CLYBL: variants seen among roughly 807,000 people sequenced by gnomAD.
CLYBL encodes the protein citramalyl-CoA lyase.
A neutral mutation model predicts 38.9 loss-of-function variants in CLYBL; 31 were observed. That is an observed-to-expected ratio of 0.80 (90% CI 0.60 to 1.08). CLYBL has a LOEUF of 1.08. Among genes scored for constraint, CLYBL ranks in the 50% least tolerant of loss-of-function variants. The pLI is 0.00. For synonymous variants in CLYBL, 171 were observed against 158.6 expected (o/e 1.08, Z -0.59); for missense variants, 434 against 411.6 (o/e 1.05, Z -0.47).
intron 2 of CLYBL, among the ~76,000 whole-genome samples, chr13:99,855,892 G>T (rs1171052610): frequency 6.6e-6 from 1 of 152,122 alleles, no homozygotes; most frequent in African/African-American, 2.4e-5. Flanking sequence ...TATGTAAATT[G>T]TAACAAGCAA....
At chr13:99,724,535 GAA>G (rs200553773) in intron 1 of CLYBL, among the ~76,000 whole-genome samples, 6 of 140,148 alleles carry the variant, frequency 4.3e-5, no homozygotes, top group Admixed American at 1.4e-4. Flanking sequence ...TGGAGAAGAT[GAA>G]AAAAAAAAAA....
chr13:99,834,966 A>G (rs2050901344), intron 2 of CLYBL, among the ~76,000 whole-genome samples: 1 of 152,152 alleles, frequency 6.6e-6, no homozygotes, highest in Admixed American at 6.5e-5. Context: ...AATTCTACCT[A>G]TTGTTCTTCC....
intron 1 of CLYBL, among the ~76,000 whole-genome samples, chr13:99,682,245 G>T (rs915127563): frequency 6.6e-6 from 1 of 151,992 alleles, no homozygotes; most frequent in Non-Finnish European, 1.5e-5. Flanking sequence ...CTGGGTTCAA[G>T]TGATTCTCCT....
chr13:99,707,369 A>T (rs2048162302), intron 1 of CLYBL, among the ~76,000 whole-genome samples: 1 of 152,044 alleles, frequency 6.6e-6, no homozygotes. Context: ...TCCCGGGTTC[A>T]AGCAATTCTC....
chr13:99,885,151 G>T (rs753988283), intron 7 of CLYBL: 3 of 515,064 alleles, frequency 5.8e-6, no homozygotes, highest in Non-Finnish European at 1.2e-5. Context: ...ACAGTGTTGT[G>T]AAAGACAGCA....
intron 1 of CLYBL, among the ~76,000 whole-genome samples, chr13:99,691,141 C>T (rs922659326): frequency 6.6e-6 from 1 of 152,170 alleles, no homozygotes; most frequent in Non-Finnish European, 1.5e-5. Context: ...CATAGATGCC[C>T]TTCCCTAGAT....
intron 2 of CLYBL, among the ~76,000 whole-genome samples, chr13:99,844,442 T>C (rs372072336): frequency 3.1e-4 from 47 of 152,352 alleles, no homozygotes; most frequent in African/African-American, 1.1e-3. Flanking sequence ...ATTTTGAACG[T>C]TGGAACACAT....
At chr13:99,662,510 CTTTTTTT>C (rs34634591) in intron 1 of CLYBL, among the ~76,000 whole-genome samples, 33 of 122,366 alleles carry the variant, frequency 2.7e-4, no homozygotes, top group Non-Finnish European at 5.0e-4. Context: ...ATCTTTAAAA[CTTTTTTT>C]TTTTTTTTTT....
At chr13:99,794,052 C>T (rs925138246) in intron 2 of CLYBL, among the ~76,000 whole-genome samples, 3 of 152,122 alleles carry the variant, frequency 2.0e-5, no homozygotes, top group Non-Finnish European at 4.4e-5. Context: ...AAAATCTCTC[C>T]GTTGGACCAG....
intron 2 of CLYBL, among the ~76,000 whole-genome samples, chr13:99,774,251 A>C (rs1566321420): frequency 6.6e-6 from 1 of 152,174 alleles, no homozygotes; most frequent in Non-Finnish European, 1.5e-5. Context: ...TTTTAAAAAA[A>C]CAAAATAACC....
intron 1 of CLYBL, among the ~76,000 whole-genome samples, chr13:99,637,629 G>T (rs570116713): frequency 1.3e-5 from 2 of 152,118 alleles, no homozygotes; most frequent in African/African-American, 4.8e-5. Flanking sequence ...GCTGTGGCAC[G>T]CACCTGTAAT....
At chr13:99,634,278 A>C (rs1235976146) in intron 1 of CLYBL, among the ~76,000 whole-genome samples, 1 of 152,212 alleles carries the variant, frequency 6.6e-6, no homozygotes, top group Non-Finnish European at 1.5e-5. Context: ...TTGAAGCCCA[A>C]ATAAAGACCT....
intron 3 of CLYBL, among the ~76,000 whole-genome samples, chr13:99,862,701 G>GGGAAAGC (rs535101341): frequency 5.5e-4 from 83 of 152,234 alleles, no homozygotes; most frequent in Middle Eastern, 3.4e-3. Flanking sequence ...TGCGTTTTCA[G>GGGAAAGC]GGAAAGCGTT....
chr13:99,674,142 CTTTTTTTTTTTTTTTTT>C (rs1167068936), intron 1 of CLYBL, among the ~76,000 whole-genome samples: 2 of 51,150 alleles, frequency 3.9e-5, no homozygotes, highest in Admixed American at 4.4e-4. Context: ...TACTAGAATT[CTTTTTTTTTTTTTTTTT>C]TTTTTTTTTT....
intron 1 of CLYBL, among the ~76,000 whole-genome samples, chr13:99,760,646 T>C (rs1326860739): frequency 6.6e-6 from 1 of 152,272 alleles, no homozygotes; most frequent in Non-Finnish European, 1.5e-5. Context: ...CTTCCAAAGT[T>C]TCTGATGAAA....
intron 2 of CLYBL, among the ~76,000 whole-genome samples, chr13:99,841,427 T>C (rs2051074357): frequency 6.6e-6 from 1 of 152,160 alleles, no homozygotes; most frequent in African/African-American, 2.4e-5. Context: ...TTTAAGACAG[T>C]CTCAGCCTGT....
chr13:99,892,740 C>G (rs1040203201), downstream of CLYBL: 3 of 152,248 alleles, frequency 2.0e-5, no homozygotes, highest in Non-Finnish European at 2.9e-5. Flanking sequence ...TTTTTACTTT[C>G]ATTTTTCACC....
intron 1 of CLYBL, among the ~76,000 whole-genome samples, chr13:99,640,722 T>G (rs4772225): frequency 0.69 from 104,708 of 152,198 alleles, 37,260 homozygotes; most frequent in East Asian, 0.89. Flanking sequence ...CCCTGAAGTG[T>G]TCAATTAGAA....
chr13:99,722,747 A>G (rs1226217951), intron 1 of CLYBL, among the ~76,000 whole-genome samples: 2 of 152,214 alleles, frequency 1.3e-5, no homozygotes, highest in Non-Finnish European at 2.9e-5. Flanking sequence ...GGCTTCTTCT[A>G]TGCTTTTGTT....
Sources: allele counts gnomAD v4.1 joint callset (sites outside exome capture counted in the v4.1 genomes callset), GRCh38; gene constraint gnomAD v4.1.1; transcripts MANE v1.5; gene names NCBI Gene and HGNC (gene_info 2026-07-23, HGNC 2026-07-21).